The following LTF variants were observed in gnomAD, a reference collection of about 807,000 sequenced individuals.
LTF encodes the protein lactotransferrin, also known as epididymis luminal protein 110.
In LTF, 91 loss-of-function variants were observed where a neutral mutation model predicts 87.2. The observed-to-expected ratio is 1.04, with a 90% CI of 0.88 to 1.24. The LOEUF (loss-of-function observed/expected upper bound fraction) is 1.24, where lower values mean the gene tolerates loss of function less well. LTF is among the 50% of genes most tolerant of loss of function. The probability of loss-of-function intolerance (pLI) is 0.00; values close to 1 mark genes in which losing one functional copy is unlikely to be tolerated. For synonymous variants in LTF, 378 were observed against 356.1 expected (o/e 1.06, Z -0.69); for missense variants, 901 against 904.3 (o/e 1.00, Z 0.05).
At chr3:46,471,488 G>A (rs978872554) in intron 1 of LTF, among the ~76,000 whole-genome samples, 2 of 152,208 alleles carry the variant, frequency 1.3e-5, no homozygotes, top group African/African-American at 4.8e-5. Flanking sequence ...GTTCCAGGAG[G>A]GAAAGGACTG....
chr3:46,452,479 T>C (rs1702827446), intron 6 of LTF, among the ~76,000 whole-genome samples: 1 of 152,262 alleles, frequency 6.6e-6, no homozygotes, highest in African/African-American at 2.4e-5. Context: ...AAAATTAAAG[T>C]ATGATTTTTT....
intron 1 of LTF, among the ~76,000 whole-genome samples, chr3:46,463,998 G>A (rs951086021): frequency 1.3e-5 from 2 of 152,098 alleles, no homozygotes; most frequent in African/African-American, 2.4e-5. Context: ...ACTGGGCTGG[G>A]GAGGTGTGAC....
rs1009544422 is a variant in LTF at position 46,464,854 on chromosome 3, A to G, written c.14T>C (p.Phe5Ser). 1 of 1,613,790 alleles carries G rather than the reference A, an allele frequency of 6.2e-7. No homozygotes were observed. The highest frequency in any genetic ancestry group is 8.5e-7 in the Non-Finnish European group (1 of 1,179,970). Reference protein sequence around the residue: MKLVFLVLLFLGALG... With the variant: MKLVSLVLLFLGALG... ...GGCCCCGAGGAACAGCAGGACGAGGAAGACAAGTTTCATGTCTGCGGTCTG... is the reference window on the plus strand; with the variant it reads ...GGCCCCGAGGAACAGCAGGACGAGGGAGACAAGTTTCATGTCTGCGGTCTG... Residue 5 changes from phenylalanine (F) to serine (S), a missense_variant, in exon 1 of 17, where the codon TTC becomes TCC. Phe to Ser is a radical substitution (Grantham distance 155). Transcript: ENST00000231751.
upstream of LTF, among the ~76,000 whole-genome samples, chr3:46,467,671 A>G (rs1703234118): frequency 7.6e-6 from 1 of 131,774 alleles, no homozygotes; most frequent in African/African-American, 2.9e-5. Flanking sequence ...TTTTACCGAC[A>G]GGGTCTCCCT....
chr3:46,439,716 T>C (rs1379402277), intron 14 of LTF, among the ~76,000 whole-genome samples: 1 of 152,226 alleles, frequency 6.6e-6, no homozygotes, highest in Non-Finnish European at 1.5e-5. Context: ...GGAGTGAAGT[T>C]CTGGTACATC....
chr3:46,447,271 C>T (rs775082694), intron 10 of LTF, 37 bp downstream of exon 10: 1 of 1,519,074 alleles, frequency 6.6e-7, no homozygotes, highest in Non-Finnish European at 9.1e-7. Context: ...TCCCATGACC[C>T]AGAGGGAATA....
chr3:46,453,494 T>C (rs1330228670), intron 6 of LTF, among the ~76,000 whole-genome samples: 1 of 151,536 alleles, frequency 6.6e-6, no homozygotes, highest in Non-Finnish European at 1.5e-5. Context: ...TGGTCCTAGG[T>C]GAATGTGGGT....
At chr3:46,478,481 TCC>T (rs1703391862) in intron 1 of LTF, among the ~76,000 whole-genome samples, 1 of 151,796 alleles carries the variant, frequency 6.6e-6, no homozygotes, top group African/African-American at 2.4e-5. Context: ...ATGAGCAGGG[TCC>T]CTAGAGAGTG....
At chr3:46,447,784 A>G (rs1020761182) in intron 9 of LTF, among the ~76,000 whole-genome samples, 1 of 152,222 alleles carries the variant, frequency 6.6e-6, no homozygotes, top group African/African-American at 2.4e-5. Context: ...AGCGCTACAC[A>G]GAAGTTGTCC....
intron 16 of LTF, among the ~76,000 whole-genome samples, chr3:46,437,105 C>A (rs536079460): frequency 7.2e-5 from 11 of 152,214 alleles, no homozygotes; most frequent in Non-Finnish European, 1.6e-4. Flanking sequence ...GAATAGGAAT[C>A]TGAATGATTG....
intron 1 of LTF, among the ~76,000 whole-genome samples, chr3:46,462,435 G>A (rs1380719327): frequency 6.6e-6 from 1 of 152,130 alleles, no homozygotes; most frequent in African/African-American, 2.4e-5. Flanking sequence ...CTAGTTATGT[G>A]GCTTGTGGAA....
At chr3:46,441,517 A>G in intron 13 of LTF, 34 bp from the exon 14 acceptor site, 4 of 1,511,832 alleles carry the variant, frequency 2.6e-6, no homozygotes, top group Non-Finnish European at 3.7e-6. Flanking sequence ...ACATAATTAC[A>G]GAAGAGAAAC....
rs572699872 is a variant in LTF, at chr3:46,455,895, A to C, written c.400T>G (p.Cys134Gly). Residue 134 changes from cysteine (C) to glycine (G), a missense_variant, in exon 4 of 17, where the codon TGC (cysteine) becomes GGC (glycine). By Grantham distance (159) the Cys-to-Gly change is radical. Transcript: ENST00000231751. ...GCGGTCCTGCGAAGGCCTGTGTGGC[A>C]GGACTTCAGACCTTGCAGTTCGTTC... ...QLNELQGLKS[C>G]HTGLRRTAGW... The C allele has an allele frequency of 1.2e-6, 2 of 1,613,718 alleles. No individual in the cohort carries two copies. Among genetic ancestry groups the C allele is most frequent in the Non-Finnish European group, 1.7e-6 (2 of 1,179,910 alleles).
rs545999574 is a variant in LTF at position 46,438,223 on chromosome 3, C to T, written c.1909-94G>A. The T allele has an allele frequency of 3.8e-4, 387 of 1,020,950 alleles. 1 individual carries two copies. The highest frequency in any genetic ancestry group is 4.0e-4 in the South Asian group (27 of 67,062). The allele number at this position is 1,020,950 out of a possible 1,614,324, so 63.2% of individuals were successfully genotyped here. On this transcript the variant is annotated intron_variant, in intron 15 of 16. Transcript: ENST00000231751. ...GGTATTTCTTCCACCCAAGAACAGC[C>T]CTGAGAAAACCATGGGGCAGAAGGA...
intron 13 of LTF, among the ~76,000 whole-genome samples, chr3:46,442,814 G>A (rs903998916): frequency 6.6e-6 from 1 of 152,328 alleles, no homozygotes; most frequent in South Asian, 2.1e-4. Context: ...AACAGGGGAA[G>A]ATCCTCTCTG....
intron 12 of LTF, among the ~76,000 whole-genome samples, chr3:46,444,114 T>C (rs1051122781): frequency 2.0e-5 from 3 of 152,218 alleles, no homozygotes; most frequent in Non-Finnish European, 4.4e-5. Flanking sequence ...AATTGGTACA[T>C]GCCTTTTGCC....
At chr3:46,470,834 G>C (rs999869408) in intron 1 of LTF, among the ~76,000 whole-genome samples, 1 of 152,218 alleles carries the variant, frequency 6.6e-6, no homozygotes, top group African/African-American at 2.4e-5. Context: ...TTCTCCATAT[G>C]TAAAAAAGAG....
intron 1 of LTF, among the ~76,000 whole-genome samples, chr3:46,477,207 T>A (rs1457094994): frequency 6.6e-6 from 1 of 152,366 alleles, no homozygotes; most frequent in South Asian, 2.1e-4. Context: ...TTTGGGAATG[T>A]CTTTTGTCCA....
At chr3:46,463,384 A>G (rs904383244) in intron 1 of LTF, 34 of 868,572 alleles carry the variant, frequency 3.9e-5, no homozygotes, top group East Asian at 1.2e-4. Context: ...CTCCAGGGCT[A>G]AGCAGACAGA....
Sources: gnomAD v4.1 joint callset for allele counts (sites outside exome capture counted in the v4.1 genomes callset) on GRCh38, gnomAD v4.1.1 for gene constraint, MANE v1.5 for transcripts, NCBI Gene and HGNC (gene_info 2026-07-23, HGNC 2026-07-21) for gene names.